The following ZNF385B variants were observed in gnomAD, a reference collection of about 807,000 sequenced individuals.
ZNF385B encodes zinc finger protein 385B.
ZNF385B carries 23 observed loss-of-function variants against 39.2 expected under a neutral mutation model. The observed-to-expected ratio is 0.59, with a 90% confidence interval of 0.42 to 0.83. The LOEUF (loss-of-function observed/expected upper bound fraction) is 0.83, where lower values mean the gene tolerates loss of function less well. Ranked by LOEUF, ZNF385B falls within the 40% of genes least tolerant of loss-of-function variation. The pLI is 0.00. For missense variants in ZNF385B, 552 were observed against 598.9 expected (o/e 0.92, Z 0.82); for synonymous variants, 205 against 222.6 (o/e 0.92, Z 0.70).
rs191128587 is a variant in ZNF385B, at chr2:179,540,373, G to A, written c.441+4454C>T. On this transcript the variant is annotated intron_variant, in intron 4 of 9. Transcript: ENST00000410066. ...AGGCAAGAGAATCGCTTGAACCCGG[G>A]AGGCAGAGGTTGCGGTGAGCCGAGA... is the stretch of plus-strand genomic sequence containing the variant. Among the ~76,000 whole-genome samples the A allele has an allele frequency of 7.8e-3, 1,184 of 152,234 alleles. 5 individuals carry two copies. The highest frequency in any genetic ancestry group is 0.012 in the Non-Finnish European group (822 of 68,012).
chr2:179,727,589 C>A (rs1461665736), intron 3 of ZNF385B, among the ~76,000 whole-genome samples: 1 of 152,014 alleles, frequency 6.6e-6, no homozygotes, highest in Non-Finnish European at 1.5e-5. Flanking sequence ...AGCAGTGTAG[C>A]CATTCTGCTT....
chr2:179,801,138 A>G (rs7585592), intron 1 of ZNF385B, among the ~76,000 whole-genome samples: 49,793 of 151,890 alleles, frequency 0.33, 8,438 homozygotes, highest in Admixed American at 0.45. Flanking sequence ...CTAATCTCAA[A>G]ATATCCTCAG....
intron 3 of ZNF385B, among the ~76,000 whole-genome samples, chr2:179,748,323 A>G (rs2106464207): frequency 6.6e-6 from 1 of 152,046 alleles, no homozygotes; most frequent in East Asian, 1.9e-4. Flanking sequence ...GATCACCTAA[A>G]CTCTATACCC....
chr2:179,499,119 G>GA (rs746468365), intron 5 of ZNF385B, among the ~76,000 whole-genome samples: 22 of 151,884 alleles, frequency 1.4e-4, no homozygotes, highest in Admixed American at 3.3e-4. Flanking sequence ...GTTGAACCAG[G>GA]AAAAAATCCC....
At chr2:179,694,764 T>C (rs13387362) in intron 3 of ZNF385B, among the ~76,000 whole-genome samples, 5,988 of 152,102 alleles carry the variant, frequency 0.039, 375 homozygotes, top group African/African-American at 0.14. Context: ...ACCCCATCTC[T>C]ACTAAAAAAT....
chr2:179,714,989 A>G (rs1700243116), intron 3 of ZNF385B, among the ~76,000 whole-genome samples: 1 of 148,656 alleles, frequency 6.7e-6, no homozygotes, highest in Admixed American at 6.8e-5. Context: ...AACTGTTCTA[A>G]TGCTGGCAGT....
At chr2:179,802,927 GA>G (rs1706122445) in intron 1 of ZNF385B, among the ~76,000 whole-genome samples, 1 of 152,044 alleles carries the variant, frequency 6.6e-6, no homozygotes, top group Admixed American at 6.6e-5. Flanking sequence ...GCCAGCCTTA[GA>G]AACTAACAGT....
chr2:179,733,429 T>C (rs548666587), intron 3 of ZNF385B, among the ~76,000 whole-genome samples: 2 of 152,346 alleles, frequency 1.3e-5, no homozygotes, highest in East Asian at 3.9e-4. Context: ...CTTTCATCTG[T>C]TACCTTCTTT....
intron 1 of ZNF385B, among the ~76,000 whole-genome samples, chr2:179,807,868 C>G (rs1706465080): frequency 7.2e-6 from 1 of 139,264 alleles, no homozygotes. Context: ...GCACTCCAAC[C>G]TGGGCGACAG....
chr2:179,856,998 G>T (rs1413070283), intron 1 of ZNF385B, among the ~76,000 whole-genome samples: 1 of 152,096 alleles, frequency 6.6e-6, no homozygotes, highest in Non-Finnish European at 1.5e-5. Flanking sequence ...GTGGTTCAAG[G>T]ATCACCTATT....
intron 8 of ZNF385B, 68 bp from the exon 9 acceptor site, chr2:179,445,045 G>T: frequency 1.4e-6 from 2 of 1,417,152 alleles, no homozygotes; most frequent in Non-Finnish European, 1.0e-6. Context: ...GTATTTCTAG[G>T]TAGCTATTTT....
intron 4 of ZNF385B, among the ~76,000 whole-genome samples, chr2:179,542,141 G>A (rs1374047875): frequency 1.3e-5 from 2 of 152,094 alleles, no homozygotes; most frequent in African/African-American, 4.8e-5. Flanking sequence ...ATTCCCTTAG[G>A]TATTCTATTG....
intron 3 of ZNF385B, among the ~76,000 whole-genome samples, chr2:179,545,553 T>A (rs1288090601): frequency 2.6e-5 from 4 of 152,164 alleles, no homozygotes; most frequent in African/African-American, 9.7e-5. Flanking sequence ...AGACATTGGA[T>A]AGTTAAAGAC....
chr2:179,715,762 T>C (rs993933789), intron 3 of ZNF385B, among the ~76,000 whole-genome samples: 6 of 152,134 alleles, frequency 3.9e-5, no homozygotes, highest in Non-Finnish European at 8.8e-5. Flanking sequence ...TATTAAACTA[T>C]TAAATAATGT....
intron 3 of ZNF385B, among the ~76,000 whole-genome samples, chr2:179,615,592 A>G (rs1307407238): frequency 6.6e-6 from 1 of 152,236 alleles, no homozygotes; most frequent in Non-Finnish European, 1.5e-5. Flanking sequence ...TAAACTAAAT[A>G]CAGGATATTC....
At chr2:179,531,857 T>C (rs1372460564) in intron 4 of ZNF385B, among the ~76,000 whole-genome samples, 1 of 152,142 alleles carries the variant, frequency 6.6e-6, no homozygotes, top group East Asian at 1.9e-4. Context: ...GGAAAGTTGA[T>C]AGCAAAAATA....
chr2:179,591,809 A>T (rs1447913651), intron 3 of ZNF385B, among the ~76,000 whole-genome samples: 1 of 152,146 alleles, frequency 6.6e-6, no homozygotes, highest in Non-Finnish European at 1.5e-5. Context: ...TCTGTGATTT[A>T]TCAAGTGTCA....
chr2:179,532,330 A>T (rs895250988), intron 4 of ZNF385B, among the ~76,000 whole-genome samples: 1 of 152,202 alleles, frequency 6.6e-6, no homozygotes, highest in Non-Finnish European at 1.5e-5. Context: ...GAGGAAAATA[A>T]ATAGAGCAAA....
chr2:179,593,047 T>C (rs1687704219), intron 3 of ZNF385B, among the ~76,000 whole-genome samples: 1 of 152,158 alleles, frequency 6.6e-6, no homozygotes, highest in Admixed American at 6.5e-5. Context: ...AGGAAATAAC[T>C]TCCCCAGGAT....
Sources: allele counts gnomAD v4.1 joint callset (sites outside exome capture counted in the v4.1 genomes callset), GRCh38; gene constraint gnomAD v4.1.1; transcripts MANE v1.5; gene names NCBI Gene and HGNC (gene_info 2026-07-23, HGNC 2026-07-21).